Variants in SLC17A1 observed in about 807,000 individuals in gnomAD.
SLC17A1 encodes the protein sodium-dependent phosphate transport protein 1.
A neutral mutation model predicts 53.5 loss-of-function variants in SLC17A1; 51 were observed. The observed-to-expected ratio is 0.95, with a 90% confidence interval of 0.76 to 1.20. SLC17A1 has a LOEUF of 1.20. SLC17A1 is among the 50% of genes most tolerant of loss of function. The probability of loss-of-function intolerance (pLI) is 0.00; values close to 1 mark genes in which losing one functional copy is unlikely to be tolerated. For missense variants in SLC17A1, 538 were observed against 568.2 expected, an observed-to-expected ratio of 0.95 and a Z score of 0.54; for synonymous variants, 179 against 198.8, an observed-to-expected ratio of 0.90 and a Z score of 0.84.
chr6:25,773,591 T>C, the SLC17A1 span: 1 of 1,613,996 alleles, frequency 6.2e-7, no homozygotes, highest in South Asian at 1.1e-5. Flanking sequence ...AGTCTCTTAT[T>C]TCTGTGAATA....
downstream of SLC17A1, chr6:25,779,066 G>C: frequency 6.2e-7 from 1 of 1,613,718 alleles, no homozygotes; most frequent in Non-Finnish European, 8.5e-7. Flanking sequence ...TTCAGAGTTT[G>C]GTTGGAGAAA....
chr6:25,760,230 A>G, the SLC17A1 span, among the ~76,000 whole-genome samples: 1,121 of 152,306 alleles, frequency 7.4e-3, 14 homozygotes, highest in African/African-American at 0.024. Flanking sequence ...TTCTTAATCT[A>G]TATTCATATA....
chr6:25,733,473 A>C, the SLC17A1 span, among the ~76,000 whole-genome samples: 1 of 152,118 alleles, frequency 6.6e-6, no homozygotes, highest in African/African-American at 2.4e-5. Context: ...ACCTTCCGAG[A>C]ATTCTAGGAT....
intron 10 of SLC17A1, among the ~76,000 whole-genome samples, chr6:25,801,344 G>A (rs1581460967): frequency 6.6e-6 from 1 of 152,278 alleles, no homozygotes; most frequent in East Asian, 1.9e-4. Flanking sequence ...TTGTTCACCT[G>A]GTTTACTCCC....
At chr6:25,771,898 C>T in the SLC17A1 span, among the ~76,000 whole-genome samples, 49 of 152,122 alleles carry the variant, frequency 3.2e-4, no homozygotes, top group Non-Finnish European at 6.0e-4. Flanking sequence ...TATTTTACTA[C>T]GTTACAGTTT....
intron 3 of SLC17A1, among the ~76,000 whole-genome samples, chr6:25,826,027 GT>G: frequency 6.6e-6 from 1 of 151,934 alleles, no homozygotes; most frequent in East Asian, 1.9e-4. Flanking sequence ...TACCTATCTT[GT>G]TTTTATTTTT....
intron 2 of SLC17A1, among the ~76,000 whole-genome samples, chr6:25,826,863 C>T (rs1426048921): frequency 6.6e-6 from 1 of 152,024 alleles, no homozygotes; most frequent in Non-Finnish European, 1.5e-5. Flanking sequence ...GAAAATCAAG[C>T]CAATCTTTCA....
chr6:25,809,230 A>C (rs1482791028), intron 10 of SLC17A1, among the ~76,000 whole-genome samples: 8 of 152,056 alleles, frequency 5.3e-5, no homozygotes, highest in Admixed American at 3.3e-4. Context: ...AGAATAACAG[A>C]CATTAGAGAC....
chr6:25,772,762 T>C, the SLC17A1 span, among the ~76,000 whole-genome samples: 151 of 152,340 alleles, frequency 9.9e-4, 1 homozygote, highest in Non-Finnish European at 1.4e-3. Flanking sequence ...GGAGGGATGC[T>C]GACTGGTACG....
the SLC17A1 span, chr6:25,727,205 A>C: frequency 3.1e-6 from 5 of 1,614,186 alleles, no homozygotes; most frequent in Admixed American, 1.7e-5. Context: ...TTCAGACAGC[A>C]GTGCGCTTGC....
chr6:25,784,381 C>T (rs1763334113), intron 12 of SLC17A1, among the ~76,000 whole-genome samples: 1 of 152,118 alleles, frequency 6.6e-6, no homozygotes, highest in South Asian at 2.1e-4. Context: ...AGCATGATGC[C>T]AGCATCTGCT....
In SLC17A1 at chr6:25,831,981, C is replaced by T. The variant is rs773536925; in HGVS notation, c.-51+13G>A. The T allele has an allele frequency of 2.6e-5, 4 of 152,108 alleles. No homozygotes were observed. Among genetic ancestry groups the T allele is most frequent in the Admixed American group, 1.3e-4 (2 of 15,266 alleles). The allele number at this position is 152,108 out of a possible 1,614,324, so 9.4% of individuals were successfully genotyped here. On this transcript the variant is annotated intron_variant, in intron 1 of 12. Coordinates refer to ENST00000244527, the MANE Select transcript of SLC17A1 (RefSeq NM_005074.5). ...TGATTGCTCATTTCATTTAATGAGCCCCGTAGACTAACCTGATTCGGGACA... is the reference window on the plus strand; with the variant it reads ...TGATTGCTCATTTCATTTAATGAGCTCCGTAGACTAACCTGATTCGGGACA...
chr6:25,741,603 C>A, the SLC17A1 span, among the ~76,000 whole-genome samples: 1 of 152,008 alleles, frequency 6.6e-6, no homozygotes, highest in African/African-American at 2.4e-5. Context: ...ATAATCCCAG[C>A]TACTCAGGAG....
At chr6:25,738,501 C>A in the SLC17A1 span, among the ~76,000 whole-genome samples, 1 of 147,750 alleles carries the variant, frequency 6.8e-6, no homozygotes, top group Non-Finnish European at 1.5e-5. Flanking sequence ...TAGATGTATG[C>A]AAAAAGTTTT....
At chr6:25,757,362 C>G in the SLC17A1 span, among the ~76,000 whole-genome samples, 1 of 152,034 alleles carries the variant, frequency 6.6e-6, no homozygotes, top group Non-Finnish European at 1.5e-5. Flanking sequence ...ACATTTTATT[C>G]CTTTACATCT....
At chr6:25,762,118 T>C in the SLC17A1 span, 1 of 1,424,940 alleles carries the variant, frequency 7.0e-7, no homozygotes, top group East Asian at 2.4e-5. Context: ...TAACTTGTGG[T>C]ACTAAATAAA....
the SLC17A1 span, among the ~76,000 whole-genome samples, chr6:25,742,811 T>A: frequency 6.6e-6 from 1 of 152,032 alleles, no homozygotes; most frequent in African/African-American, 2.4e-5. Context: ...AAAATAATAA[T>A]AAAATAAAAA....
rs1367088960 is a variant in SLC17A1, at chr6:25,815,943, C to T, written c.617-2730G>A. ...TTTTTTTTTTTTGCCACTTCAGCTC[C>T]AAAGGTGAAACGGCACAGTTAAAAG... On this transcript the variant is annotated intron_variant, in intron 6 of 12. Transcript: ENST00000244527. Among the ~76,000 whole-genome samples the T allele has an allele frequency of 4.8e-5, 7 of 146,566 alleles. No individual in the cohort carries two copies. The Admixed American group carries it at 4.8e-4, about 10-fold the overall frequency.
chr6:25,744,298 A>G, the SLC17A1 span, among the ~76,000 whole-genome samples: 1 of 152,174 alleles, frequency 6.6e-6, no homozygotes, highest in African/African-American at 2.4e-5. Context: ...ATCAGTGTGG[A>G]TGGATTGCAA....
Sources: allele counts gnomAD v4.1 joint callset (sites outside exome capture counted in the v4.1 genomes callset), GRCh38; gene constraint gnomAD v4.1.1; transcripts MANE v1.5; gene names NCBI Gene and HGNC (gene_info 2026-07-23, HGNC 2026-07-21).